The following FGF14 variants were observed in gnomAD, a reference collection of about 807,000 sequenced individuals.
FGF14 encodes the protein fibroblast growth factor 14.
In FGF14, 5 loss-of-function variants were observed where a neutral mutation model predicts 25.5. That is an observed-to-expected ratio of 0.20 (90% CI 0.10 to 0.41). The LOEUF (loss-of-function observed/expected upper bound fraction) is 0.41. Among genes scored for constraint, FGF14 ranks in the 10% least tolerant of loss-of-function variants. FGF14 has a pLI of 1.00. For synonymous variants in FGF14, 138 were observed against 118.3 expected (o/e 1.17, Z -1.08); for missense variants, 222 against 320.1 (o/e 0.69, Z 2.34).
intron 1 of FGF14, among the ~76,000 whole-genome samples, chr13:102,251,186 T>C (rs1040868240): frequency 3.7e-4 from 56 of 152,284 alleles, no homozygotes; most frequent in Admixed American, 3.2e-3. Flanking sequence ...TCACTACTCA[T>C]TGGTATGGTA....
At position 101,902,617 on chromosome 13, in the gene FGF14, C is replaced by A. The variant is rs116168059; in HGVS notation, c.193+13836G>T. On this transcript the variant is annotated intron_variant, in intron 1 of 4. Transcript: ENST00000376143. ...GTGTAATACAATCTAAATGAAATCA[C>A]CTTAAATGCAAGCGCCAGTAAGTGC... Among the ~76,000 whole-genome samples, 655 of 152,248 alleles carry A rather than the reference C, an allele frequency of 4.3e-3. 3 individuals are homozygous for A. Among genetic ancestry groups the A allele is most frequent in the African/African-American group, 0.015 (620 of 41,536 alleles).
At chr13:101,820,975 A>C (rs887709699) in intron 3 of FGF14, among the ~76,000 whole-genome samples, 1 of 149,010 alleles carries the variant, frequency 6.7e-6, no homozygotes, top group Non-Finnish European at 1.5e-5. Context: ...TTTGAGACAG[A>C]GTCTCGCTGT....
chr13:101,913,195 C>A (rs2033128020), intron 1 of FGF14, among the ~76,000 whole-genome samples: 1 of 152,116 alleles, frequency 6.6e-6, no homozygotes, highest in Non-Finnish European at 1.5e-5. Flanking sequence ...AAAGCACAAA[C>A]AAAAGGATAA....
rs577031335 is a variant in FGF14 at position 102,198,909 on chromosome 13, T to C, written c.208+202562A>G. 3.3e-5 allele frequency among the ~76,000 whole-genome samples: 5 copies of C among 152,312 alleles called. No individual in the cohort carries two copies. In the South Asian group the frequency reaches 1.0e-3, roughly 32 times the overall value. ...AGTTCCTGGAACAAATGGAAAGTGC[T>C]TACTCCTCACTCTTTGTCAAACTCT... On this transcript the variant is annotated intron_variant, in intron 1 of 4. Transcript: ENST00000376131.
chr13:102,156,279 G>A (rs946819424), intron 1 of FGF14, among the ~76,000 whole-genome samples: 23 of 152,116 alleles, frequency 1.5e-4, no homozygotes, highest in Admixed American at 3.9e-4. Context: ...CTGGCAAACC[G>A]AATCCAGCAG....
chr13:101,969,221 A>G (rs182728062), intron 1 of FGF14, among the ~76,000 whole-genome samples: 1 of 152,284 alleles, frequency 6.6e-6, no homozygotes. Flanking sequence ...TAAGTTACCA[A>G]ATAAACAACT....
chr13:101,727,112 G>T (rs2035491131), intron 3 of FGF14, among the ~76,000 whole-genome samples: 1 of 152,024 alleles, frequency 6.6e-6, no homozygotes, highest in Non-Finnish European at 1.5e-5. Flanking sequence ...ATCAGAAAGG[G>T]AGCATTAAAG....
chr13:101,902,624 T>G (rs1282498736), intron 1 of FGF14, among the ~76,000 whole-genome samples: 5 of 152,202 alleles, frequency 3.3e-5, no homozygotes, highest in Non-Finnish European at 7.3e-5. Flanking sequence ...TCACCTTAAA[T>G]GCAAGCGCCA....
intron 1 of FGF14, among the ~76,000 whole-genome samples, chr13:102,151,024 C>T (rs751773147): frequency 3.9e-5 from 6 of 152,080 alleles, no homozygotes; most frequent in East Asian, 1.9e-4. Context: ...GAAGATTACG[C>T]TTTTTTAAAG....
chr13:101,873,359 C>T (rs2045217720), intron 2 of FGF14, among the ~76,000 whole-genome samples: 1 of 152,034 alleles, frequency 6.6e-6, no homozygotes, highest in Admixed American at 6.6e-5. Context: ...TTCACGTAGT[C>T]CAATAAAGCA....
At position 102,160,059 on chromosome 13, in the gene FGF14, C is replaced by T. The variant is rs573998018; in HGVS notation, c.208+241412G>A. Among the ~76,000 whole-genome samples, 9 of 152,254 alleles carry T rather than the reference C, an allele frequency of 5.9e-5. No homozygotes were observed. The South Asian group carries it at 1.0e-3, about 18-fold the overall frequency. ...TATTCAAGGCTGTCTCCTCTCTGCACGGAATGCTCTGCCCTGGCACACCTT... is the reference window on the plus strand; with the variant it reads ...TATTCAAGGCTGTCTCCTCTCTGCATGGAATGCTCTGCCCTGGCACACCTT... On this transcript the variant is annotated intron_variant, in intron 1 of 4. Coordinates refer to the FGF14 transcript ENST00000376131.
chr13:102,191,805 A>G (rs2049133937), intron 1 of FGF14, among the ~76,000 whole-genome samples: 1 of 152,226 alleles, frequency 6.6e-6, no homozygotes, highest in Admixed American at 6.5e-5. Flanking sequence ...ATTATTCTCC[A>G]GCTGTAAACC....
At chr13:101,795,311 AAGAG>A (rs1594276069) in intron 3 of FGF14, among the ~76,000 whole-genome samples, 2 of 152,136 alleles carry the variant, frequency 1.3e-5, no homozygotes, top group Admixed American at 1.3e-4. Flanking sequence ...AAGCTATAAG[AAGAG>A]AGAAAGTCCT....
chr13:102,120,617 T>A (rs2045676057), intron 1 of FGF14, among the ~76,000 whole-genome samples: 1 of 151,986 alleles, frequency 6.6e-6, no homozygotes, highest in African/African-American at 2.4e-5. Context: ...GAAATGCAGC[T>A]TTCCAAAAAA....
chr13:101,748,361 C>A (rs1028367205), intron 3 of FGF14, among the ~76,000 whole-genome samples: 1 of 151,830 alleles, frequency 6.6e-6, no homozygotes, highest in East Asian at 1.9e-4. Context: ...AGGTCATTAT[C>A]TTAAGTGAAA....
At chr13:102,395,700 A>G (rs965044825) in intron 1 of FGF14, 8 of 152,106 alleles carry the variant, frequency 5.3e-5, no homozygotes, top group African/African-American at 1.9e-4. Flanking sequence ...TGTATTGAAA[A>G]CCTACCATGT....
At chr13:102,292,523 A>G (rs2054476904) in intron 1 of FGF14, 1 of 152,180 alleles carries the variant, frequency 6.6e-6, no homozygotes, top group Non-Finnish European at 1.5e-5. Flanking sequence ...TATATCTACT[A>G]CAGTGTCAGA....
chr13:102,030,685 A>G (rs554991926), intron 1 of FGF14, among the ~76,000 whole-genome samples: 1 of 152,114 alleles, frequency 6.6e-6, no homozygotes, highest in East Asian at 1.9e-4. Flanking sequence ...CTATCTCATC[A>G]ATGTCAGGGG....
intron 1 of FGF14, among the ~76,000 whole-genome samples, chr13:101,979,333 C>A (rs1270461650): frequency 1.3e-5 from 2 of 152,328 alleles, no homozygotes; most frequent in Non-Finnish European, 2.9e-5. Context: ...ATGGGACTGA[C>A]ATTTACTATG....
Sources: gnomAD v4.1 joint callset for allele counts (sites outside exome capture counted in the v4.1 genomes callset) on GRCh38, gnomAD v4.1.1 for gene constraint, MANE v1.5 for transcripts, NCBI Gene and HGNC (gene_info 2026-07-23, HGNC 2026-07-21) for gene names.